Variants in CDKAL1 observed in about 807,000 individuals in gnomAD.
CDKAL1 encodes threonylcarbamoyladenosine tRNA methylthiotransferase.
In CDKAL1, 32 loss-of-function variants were observed where a neutral mutation model predicts 68.2. The observed-to-expected ratio is 0.47, with a 90% CI of 0.35 to 0.63. The LOEUF (loss-of-function observed/expected upper bound fraction) is 0.63, where lower values mean the gene tolerates loss of function less well. Ranked by LOEUF, CDKAL1 falls within the 30% of genes least tolerant of loss-of-function variation. CDKAL1 has a pLI of 0.00. For missense variants in CDKAL1, 606 were observed against 696.7 expected (o/e 0.87, Z 1.47); for synonymous variants, 234 against 244.3 (o/e 0.96, Z 0.39).
chr6:20,762,674 A>G (rs1010222424), intron 7 of CDKAL1, among the ~76,000 whole-genome samples: 2 of 152,196 alleles, frequency 1.3e-5, no homozygotes, highest in African/African-American at 4.8e-5. Context: ...GATTAAATGG[A>G]TAAGACTTTT....
chr6:21,019,105 T>C (rs1009125936), intron 11 of CDKAL1, among the ~76,000 whole-genome samples: 2 of 152,234 alleles, frequency 1.3e-5, no homozygotes, highest in East Asian at 1.9e-4. Flanking sequence ...CCCGCCACCA[T>C]GCCTGGCTAA....
chr6:20,863,935 G>A (rs1294520497), intron 9 of CDKAL1, among the ~76,000 whole-genome samples: 1 of 152,080 alleles, frequency 6.6e-6, no homozygotes, highest in Non-Finnish European at 1.5e-5. Context: ...TAACTTATAT[G>A]CAATGGTCTG....
intron 11 of CDKAL1, among the ~76,000 whole-genome samples, chr6:21,047,666 G>A (rs189478684): frequency 2.7e-4 from 41 of 152,238 alleles, no homozygotes; most frequent in Middle Eastern, 3.4e-3. Context: ...TGTCCACCAG[G>A]TGCTTATAGT....
At chr6:20,740,126 G>T (rs547805000) in intron 6 of CDKAL1, among the ~76,000 whole-genome samples, 1 of 152,236 alleles carries the variant, frequency 6.6e-6, no homozygotes, top group African/African-American at 2.4e-5. Flanking sequence ...GTTACCTGTC[G>T]TATAATTCTT....
At chr6:21,063,531 G>A (rs1426216335) in intron 11 of CDKAL1, among the ~76,000 whole-genome samples, 1 of 152,180 alleles carries the variant, frequency 6.6e-6, no homozygotes, top group Non-Finnish European at 1.5e-5. Flanking sequence ...TTGTTCTTTA[G>A]TGGTGGAAAG....
At chr6:20,552,359 G>A (rs1452613927) in intron 4 of CDKAL1, among the ~76,000 whole-genome samples, 5 of 151,074 alleles carry the variant, frequency 3.3e-5, no homozygotes, top group African/African-American at 9.7e-5. Flanking sequence ...AAAAAAAAAG[G>A]CCCTGAGATA....
At chr6:21,133,604 T>C (rs768697869) in intron 13 of CDKAL1, among the ~76,000 whole-genome samples, 7 of 152,260 alleles carry the variant, frequency 4.6e-5, no homozygotes, top group Non-Finnish European at 8.8e-5. Flanking sequence ...ATCTGGCTTC[T>C]GATAGGCTGC....
chr6:20,835,332 A>G (rs1003922221), intron 8 of CDKAL1, among the ~76,000 whole-genome samples: 6 of 152,224 alleles, frequency 3.9e-5, no homozygotes, highest in African/African-American at 1.4e-4. Flanking sequence ...TTATTAAAGT[A>G]ATACATACTA....
At chr6:20,861,193 C>T (rs1174754096) in intron 9 of CDKAL1, among the ~76,000 whole-genome samples, 3 of 152,084 alleles carry the variant, frequency 2.0e-5, no homozygotes, top group African/African-American at 7.2e-5. Context: ...AAGTCCCAAA[C>T]CAGAAGGGTA....
At position 20,548,587 on chromosome 6, in the gene CDKAL1, T is replaced by C; in HGVS notation, c.174-6T>C. The C allele has an allele frequency of 8.0e-7, 1 of 1,256,910 alleles. No individual in the cohort carries two copies. The highest frequency in any genetic ancestry group is 1.1e-6 in the Non-Finnish European group (1 of 869,620). The allele number at this position is 1,256,910 out of a possible 1,614,324, so 77.9% of individuals were successfully genotyped here. A position where few individuals can be genotyped will look rare whatever the true frequency, so the allele number is the denominator to read the frequency against. ...TACTTTTTTTTTTTTATTGATTCCT[T>C]AACAGCACTATTCCAGGCATACAGA... On this transcript the variant is annotated splice_polypyrimidine_tract_variant and splice_region_variant and intron_variant, in intron 3 of 15. Transcript: ENST00000274695.
intron 4 of CDKAL1, among the ~76,000 whole-genome samples, chr6:20,586,386 C>T (rs935107607): frequency 1.6e-4 from 25 of 152,186 alleles, no homozygotes; most frequent in African/African-American, 6.0e-4. Flanking sequence ...TCATGTAATC[C>T]CAGCACTTTG....
intron 4 of CDKAL1, chr6:20,559,043 A>C (rs558468401): frequency 1.3e-5 from 2 of 152,598 alleles, no homozygotes; most frequent in African/African-American, 4.8e-5. Flanking sequence ...AATGGAGCAC[A>C]GAAGTACTTA....
chr6:20,735,973 C>G (rs1181054883), intron 5 of CDKAL1, among the ~76,000 whole-genome samples: 1 of 152,220 alleles, frequency 6.6e-6, no homozygotes, highest in Non-Finnish European at 1.5e-5. Flanking sequence ...TCAACTATCA[C>G]TTTGAAATCT....
intron 5 of CDKAL1, among the ~76,000 whole-genome samples, chr6:20,710,658 A>G (rs1192254030): frequency 6.6e-6 from 1 of 152,224 alleles, no homozygotes; most frequent in Non-Finnish European, 1.5e-5. Context: ...TCTGTGGACT[A>G]GAAAAGTGGA....
intron 13 of CDKAL1, among the ~76,000 whole-genome samples, chr6:21,132,891 T>C (rs1219425341): frequency 6.6e-6 from 1 of 151,954 alleles, no homozygotes; most frequent in South Asian, 2.1e-4. Context: ...TTTTCAGAGG[T>C]TCTACAGAGC....
chr6:21,088,652 A>C (rs1000003030), intron 12 of CDKAL1, among the ~76,000 whole-genome samples: 26 of 152,164 alleles, frequency 1.7e-4, no homozygotes, highest in Admixed American at 1.4e-3. Context: ...TTTAAAATTA[A>C]TATGATAGGC....
At position 20,869,531 on chromosome 6, in the gene CDKAL1, G is replaced by A. The variant is rs138419764; in HGVS notation, c.742+23353G>A. On this transcript the variant is annotated intron_variant, in intron 9 of 15. Transcript: ENST00000274695. The stretch of plus-strand genomic sequence containing the variant: ...ATTAGTGAAGCTTCAGAATAAGAAA[G>A]TACAGTGATGGTTGCCCAGCAGTAT... 3.8e-3 allele frequency among the ~76,000 whole-genome samples: 584 copies of A among 152,198 alleles called. 3 individuals carry two copies. The highest frequency in any genetic ancestry group is 6.0e-3 in the Non-Finnish European group (408 of 68,000).
At chr6:20,750,610 A>G (rs1773873445) in intron 6 of CDKAL1, among the ~76,000 whole-genome samples, 1 of 152,132 alleles carries the variant, frequency 6.6e-6, no homozygotes, top group South Asian at 2.1e-4. Flanking sequence ...ATGTACTAGG[A>G]ATCATTGGCA....
At chr6:21,132,173 C>T (rs1775359438) in intron 13 of CDKAL1, among the ~76,000 whole-genome samples, 1 of 152,006 alleles carries the variant, frequency 6.6e-6, no homozygotes, top group African/African-American at 2.4e-5. Context: ...ATCTTAGAGA[C>T]AGAAAGATCT....
Sources: gnomAD v4.1 joint callset for allele counts (sites outside exome capture counted in the v4.1 genomes callset) on GRCh38, gnomAD v4.1.1 for gene constraint, MANE v1.5 for transcripts, NCBI Gene and HGNC (gene_info 2026-07-23, HGNC 2026-07-21) for gene names.